Variants in DOCK11 observed in about 807,000 individuals in gnomAD.
DOCK11 encodes the protein dedicator of cytokinesis 11, also known as dedicator of cytokinesis protein 11.
DOCK11 carries 70 observed loss-of-function variants against 169.1 expected under a neutral mutation model. That is an observed-to-expected ratio of 0.41 (90% confidence interval 0.34 to 0.51). DOCK11 has a LOEUF of 0.51. Ranked by LOEUF, DOCK11 falls within the 20% of genes least tolerant of loss-of-function variation. The probability of loss-of-function intolerance (pLI) is 0.10; values close to 1 mark genes in which losing one functional copy is unlikely to be tolerated. For missense variants in DOCK11, 1,166 were observed against 1,538.8 expected, an observed-to-expected ratio of 0.76 and a Z score of 4.05; for synonymous variants, 529 against 541.3, an observed-to-expected ratio of 0.98 and a Z score of 0.32.
intron 6 of DOCK11, among the ~76,000 whole-genome samples, chrX:118,559,876 A>T (rs1394208456): frequency 9.0e-6 from 1 of 111,413 alleles, no homozygotes; most frequent in Non-Finnish European, 1.9e-5. Flanking sequence ...TCTCACATAT[A>T]TGAGATATGT....
rs759757592 is a variant in DOCK11 at position 118,593,259 on chromosome X, C to G, written c.2185C>G (p.Leu729Val). The change falls in exon 20 of 53, where the codon CTT (leucine) becomes GTT (valine). Residue 729 changes from leucine (L) to valine (V), a missense_variant. By Grantham distance (32) the Leu-to-Val change is conservative. Coordinates refer to ENST00000276202, the MANE Select transcript of DOCK11 (RefSeq NM_144658.4). ...TCACCTACATCAAAAACATCATTTG[C>G]TTTTCACTTTTTATCATGTAAGTTG... ...PIHLHQKHHL[L>V]FTFYHVSCEI... The G allele has an allele frequency of 5.8e-6, 7 of 1,204,816 alleles. No homozygotes were observed. In the South Asian group the frequency reaches 1.3e-4, roughly 22 times the overall value.
At chrX:118,680,962 T>G (rs758156355) in intron 49 of DOCK11, 96 bp from the exon 50 acceptor site, 1 of 793,586 alleles carries the variant, frequency 1.3e-6, no homozygotes, top group Non-Finnish European at 1.8e-6. Flanking sequence ...AGATAAAGGA[T>G]GGGGAGAGTT....
intron 40 of DOCK11, among the ~76,000 whole-genome samples, chrX:118,646,177 A>C (rs2015664846): frequency 9.0e-6 from 1 of 111,389 alleles, no homozygotes; most frequent in Admixed American, 9.6e-5. Context: ...AATGACATAC[A>C]TGTGCCAAGG....
chrX:118,637,040 T>G (rs760825980), intron 36 of DOCK11, among the ~76,000 whole-genome samples: 1 of 112,818 alleles, frequency 8.9e-6, no homozygotes, highest in African/African-American at 3.2e-5. Context: ...ATGATTTGTA[T>G]GTGCATGTCT....
chrX:118,599,615 C>G (rs1365059615), intron 23 of DOCK11, among the ~76,000 whole-genome samples: 1 of 112,010 alleles, frequency 8.9e-6, no homozygotes, highest in Admixed American at 9.4e-5. Context: ...TGAAATTGTT[C>G]TTGTGTCCAT....
chrX:118,656,166 C>G (rs943371993), intron 44 of DOCK11, among the ~76,000 whole-genome samples: 2 of 110,326 alleles, frequency 1.8e-5, no homozygotes, highest in Non-Finnish European at 3.8e-5. Flanking sequence ...TGTCACATGC[C>G]TGTGGTTCCA....
chrX:118,654,769 G>A lies in DOCK11; in HGVS notation c.4863G>A (p.Trp1621Ter). 8.3e-7 allele frequency: 1 copy of A among 1,211,695 alleles called. No individual in the cohort carries two copies. The highest frequency in any genetic ancestry group is 1.1e-6 in the Non-Finnish European group (1 of 895,562). The part of the protein sequence containing the change: ...YASTPELRKT[W>*]LDSMAKIHVK... ...GCACCCCAGAGCTCAGGAAAACCTG[G>A]CTTGATAGCATGGCCAAGATTCATG... Residue 1621 changes from tryptophan (W) to a stop codon, truncating the protein, a stop_gained, in exon 43 of 53, where the codon TGG (tryptophan) becomes TGA (stop). Coordinates refer to ENST00000276202, the MANE Select transcript of DOCK11 (RefSeq NM_144658.4). LOFTEE classifies it high-confidence loss of function.
intron 40 of DOCK11, among the ~76,000 whole-genome samples, chrX:118,648,243 A>G (rs1213367944): frequency 1.8e-4 from 15 of 85,045 alleles, no homozygotes; most frequent in African/African-American, 6.6e-4. Context: ...TATATATAAA[A>G]GTAATTGCGG....
At chrX:118,676,832 A>G in intron 48 of DOCK11, 95 bp downstream of exon 48, 4 of 813,733 alleles carry the variant, frequency 4.9e-6, no homozygotes, top group Middle Eastern at 6.3e-4. Context: ...GTAGAGAAGC[A>G]TGAAAACAGA....
intron 11 of DOCK11, 118 bp from the exon 12 acceptor site, chrX:118,573,687 AG>A: frequency 1.8e-6 from 1 of 559,809 alleles, no homozygotes; most frequent in Middle Eastern, 5.7e-4. Context: ...TGTTGAACTC[AG>A]AAAGGAATTG....
At chrX:118,581,469 A>G (rs2013630207) in intron 14 of DOCK11, among the ~76,000 whole-genome samples, 2 of 111,301 alleles carry the variant, frequency 1.8e-5, no homozygotes, top group South Asian at 7.4e-4. Flanking sequence ...CCAGCCTGAA[A>G]AGTCCATTGC....
At chrX:118,568,359 T>A (rs2013144157) in intron 10 of DOCK11, among the ~76,000 whole-genome samples, 197 bp downstream of exon 10, 1 of 85,093 alleles carries the variant, frequency 1.2e-5, no homozygotes, top group African/African-American at 4.3e-5. Flanking sequence ...TGCAGATAAT[T>A]TGGGGCTGAA....
chrX:118,639,502 C>T lies in DOCK11; in HGVS notation c.4069C>T (p.Arg1357Ter). ...DRKSQTMPALRNRSGVMQARL... is the reference protein window; with the variant it reads ...DRKSQTMPAL ...AAAATCGCAAACCATGCCTGCTCTT[C>T]GAAACAGATCAGGAGTAATGCAGGC... Residue 1357 changes from arginine to a stop codon, truncating the protein, a stop_gained, in exon 38 of 53, where the codon CGA becomes TGA. Transcript: ENST00000276202. LOFTEE classifies it high-confidence loss of function. 3.3e-6 allele frequency: 4 copies of T among 1,210,853 alleles called. No individual in the cohort carries two copies. Among genetic ancestry groups the T allele is most frequent in the Non-Finnish European group, 4.5e-6 (4 of 894,953 alleles).
At chrX:118,670,980 A>G in intron 45 of DOCK11, 43 bp from the exon 46 acceptor site, 1 of 1,139,806 alleles carries the variant, frequency 8.8e-7, no homozygotes, top group Non-Finnish European at 1.2e-6. Context: ...CCAAAACTCT[A>G]AAACTATTTT....
chrX:118,573,727 C>T (rs1331284439), intron 11 of DOCK11, 79 bp from the exon 12 acceptor site: 9 of 820,044 alleles, frequency 1.1e-5, no homozygotes, highest in Non-Finnish European at 1.6e-5. Flanking sequence ...GAATACAAAA[C>T]TTATTTTGCA....
chrX:118,540,502 G>T (rs1447158848), intron 1 of DOCK11, among the ~76,000 whole-genome samples: 1 of 111,677 alleles, frequency 9.0e-6, no homozygotes, highest in African/African-American at 3.3e-5. Flanking sequence ...AGTAGTATTT[G>T]CAGACATGAG....
At chrX:118,535,309 T>C (rs2011715271) in intron 1 of DOCK11, among the ~76,000 whole-genome samples, 1 of 111,984 alleles carries the variant, frequency 8.9e-6, no homozygotes, top group Admixed American at 9.5e-5. Flanking sequence ...TGGACCTGCC[T>C]AAGCCTCAAT....
rs1174057342 is a variant in DOCK11, at chrX:118,590,275, C to T, written c.2112C>T (p.His704=). ...ATGCTTATGCTGTTGTCTCGCATCA[C>T]AACCAAAATCCAGAGTTCTATGATG... is the stretch of plus-strand genomic sequence containing the variant. The part of the protein sequence containing the change: ...TTNAYAVVSH[H]NQNPEFYDEI... Residue 704 remains histidine (H), a synonymous_variant, in exon 19 of 53, where the codon CAC becomes CAT. Coordinates refer to ENST00000276202, the MANE Select transcript of DOCK11 (RefSeq NM_144658.4). The T allele has an allele frequency of 1.7e-6, 2 of 1,209,299 alleles. No individual in the cohort carries two copies. Among genetic ancestry groups the T allele is most frequent in the East Asian group, 3.0e-5 (1 of 33,833 alleles).
intron 35 of DOCK11, among the ~76,000 whole-genome samples, chrX:118,631,967 G>A (rs530298536): frequency 9.0e-6 from 1 of 110,821 alleles, no homozygotes; most frequent in South Asian, 3.9e-4. Context: ...GACTGTTTTT[G>A]TTTTGAAGAT....
Sources: allele counts gnomAD v4.1 joint callset (sites outside exome capture counted in the v4.1 genomes callset), GRCh38; gene constraint gnomAD v4.1.1; transcripts MANE v1.5; gene names NCBI Gene and HGNC (gene_info 2026-07-23, HGNC 2026-07-21).